LYPD3: variants seen among roughly 807,000 people sequenced by gnomAD.
LYPD3 encodes ly6/PLAUR domain-containing protein 3.
A neutral mutation model predicts 21.7 loss-of-function variants in LYPD3; 22 were observed. The ratio of observed to expected loss-of-function variants is 1.01; its 90% CI spans 0.72 to 1.45. The LOEUF is 1.45. Among genes scored for constraint, LYPD3 ranks in the 40% most tolerant of loss-of-function variants. The probability of loss-of-function intolerance (pLI) is 0.00; values close to 1 mark genes in which losing one functional copy is unlikely to be tolerated. For synonymous variants in LYPD3, 179 were observed against 203.0 expected (o/e 0.88, Z 1.00); for missense variants, 471 against 466.9 (o/e 1.01, Z -0.08).
chr19:43,461,534 G>T lies in LYPD3; in HGVS notation c.858C>A (p.His286Gln), dbSNP rs34879346. The T allele has an allele frequency of 6.2e-7, 1 of 1,614,036 alleles. No individual in the cohort carries two copies. Among genetic ancestry groups the T allele is most frequent in the Non-Finnish European group, 8.5e-7 (1 of 1,180,042 alleles). ...TSQTPRQGVE[H>Q]EASRDEEPRL... Reference sequence around the variant, plus strand: ...TGGGCTCCTCATCCCGGGAGGCCTCGTGTTCTACTCCCTGTCTCGGAGTCT... The same window carrying T: ...TGGGCTCCTCATCCCGGGAGGCCTCTTGTTCTACTCCCTGTCTCGGAGTCT... The change falls in exon 5 of 5, where the codon CAC (histidine) becomes CAA (glutamine). Residue 286 changes from histidine to glutamine, a missense_variant. Coordinates refer to ENST00000244333, the MANE Select transcript of LYPD3 (RefSeq NM_014400.3).
intron 2 of LYPD3, chr19:43,463,993 G>C (rs1970799702): frequency 1.6e-6 from 1 of 624,318 alleles, no homozygotes. Context: ...GAACCTCAAA[G>C]AGCTGAGTCG....
rs754129433 is a variant in LYPD3 at position 43,464,343 on chromosome 19, C to T, written c.193G>A (p.Val65Met). ...APGVDVCTEA[V>M]GAVETIHGQF... ...CACTCACTGGTCTCCACCGCCCCCACGGCCTCGGTGCAGACGTCCACGCCC... is the reference window on the plus strand; with the variant it reads ...CACTCACTGGTCTCCACCGCCCCCATGGCCTCGGTGCAGACGTCCACGCCC... The change falls in exon 2 of 5, where the codon GTG (valine) becomes ATG (methionine). Residue 65 changes from valine (V) to methionine (M), a missense_variant. By Grantham distance (21) the Val-to-Met change is conservative (BLOSUM62 1). Transcript: ENST00000244333. 1.2e-6 allele frequency: 2 copies of T among 1,611,268 alleles called. No homozygotes were observed. Among genetic ancestry groups the T allele is most frequent in the Non-Finnish European group, 1.7e-6 (2 of 1,179,004 alleles).
chr19:43,461,900 T>C (rs750701137), intron 4 of LYPD3, 53 bp from the exon 5 acceptor site: 2 of 1,563,322 alleles, frequency 1.3e-6, no homozygotes, highest in South Asian at 1.2e-5. Context: ...GAGGTTGACA[T>C]GGCCAGAACA....
Position 43,463,664 on chromosome 19 carries a change from T to C in LYPD3, c.317A>G (p.Gln106Arg), listed in dbSNP as rs146787455. 17 of 1,609,698 alleles carry C rather than the reference T, an allele frequency of 1.1e-5. No homozygotes were observed. The highest frequency in any genetic ancestry group is 1.4e-5 in the Non-Finnish European group (17 of 1,180,010). Residue 106 changes from glutamine to arginine, a missense_variant, in exon 3 of 5, where the codon CAG becomes CGG. Physicochemically the swap from Gln to Arg is conservative, Grantham distance 43. Coordinates refer to ENST00000244333, the MANE Select transcript of LYPD3 (RefSeq NM_014400.3). ...LHGLLAFIQL[Q>R]QCAQDRCNAK... is the part of the protein sequence containing the mutation. ...GTTGCAGCGATCCTGAGCGCATTGC[T>C]GCAGCTGGATGAACGCCAGAAGCCC...
rs1468151781 is a variant in LYPD3 at position 43,461,570 on chromosome 19, C to T, written c.822G>A (p.Ala274=). The part of the protein sequence containing the change: ...RPTSTTKPMP[A]PTSQTPRQGV... ...CCTGTCTCGGAGTCTGACTGGTTGGCGCTGGCATGGGTTTGGTGGTGGATG... is the reference window on the plus strand; with the variant it reads ...CCTGTCTCGGAGTCTGACTGGTTGGTGCTGGCATGGGTTTGGTGGTGGATG... Residue 274 remains alanine (A), a synonymous_variant, in exon 5 of 5, where the codon GCG becomes GCA. Coordinates refer to ENST00000244333, the MANE Select transcript of LYPD3 (RefSeq NM_014400.3). 5.0e-6 allele frequency: 8 copies of T among 1,613,940 alleles called. No individual in the cohort carries two copies. The highest frequency in any genetic ancestry group is 1.7e-5 in the Admixed American group (1 of 59,974).
Position 43,461,178 on chromosome 19 carries a change from T to G in LYPD3, c.*173A>C. ...ACCCCTGGCAGAATATATACAACGG[T>G]ATTTTATTTCCCAAAGCCGCAAACC... On this transcript the variant is annotated 3_prime_UTR_variant, in exon 5 of 5. Transcript: ENST00000244333. 2.8e-6 allele frequency: 2 copies of G among 723,974 alleles called. No homozygotes were observed. Among genetic ancestry groups the G allele is most frequent in the Non-Finnish European group, 4.5e-6 (2 of 448,128 alleles). The allele number at this position is 723,974 out of a possible 1,614,324, so 44.8% of individuals were successfully genotyped here. A position where few individuals can be genotyped will look rare whatever the true frequency, so the allele number is the denominator to read the frequency against.
In LYPD3 at chr19:43,464,224, G is replaced by C. The variant is rs965064373; in HGVS notation, c.211+101C>G. ...CAGGCTGAAAGGGAGGGGTGGGGCC[G>C]CGTTAAAGGGGCGTGGCCAGATCCA... On this transcript the variant is annotated intron_variant, in intron 2 of 4. Transcript: ENST00000244333. 9 of 1,438,684 alleles carry C rather than the reference G, an allele frequency of 6.3e-6. No homozygotes were observed. The African/African-American group carries it at 1.1e-4, about 18-fold the overall frequency. The allele number at this position is 1,438,684 out of a possible 1,614,324, so 89.1% of individuals were successfully genotyped here. A position where few individuals can be genotyped will look rare whatever the true frequency, so the allele number is the denominator to read the frequency against.
intron 3 of LYPD3, 44 bp downstream of exon 3, chr19:43,463,555 G>A: frequency 3.1e-6 from 5 of 1,589,480 alleles, no homozygotes; most frequent in Non-Finnish European, 4.3e-6. Context: ...TGGCAGGCCC[G>A]AATGTGGCTC....
intron 1 of LYPD3, 83 bp downstream of exon 1, chr19:43,465,410 G>T: frequency 1.3e-6 from 2 of 1,482,368 alleles, no homozygotes; most frequent in Non-Finnish European, 1.8e-6. Context: ...CCTTCCCACA[G>T]CCTTCTCTGT....
Position 43,461,491 on chromosome 19 carries a change from C to T in LYPD3, c.901G>A (p.Ala301Thr), listed in dbSNP as rs143183313. Residue 301 changes from alanine to threonine, a missense_variant, in exon 5 of 5, where the codon GCT (alanine) becomes ACT (threonine). Transcript: ENST00000244333. ...DEEPRLTGGA[A>T]GHQDRSNSGQ... ...GAATTGCTGCGGTCCTGGTGGCCAG[C>T]GGCGCCTCCAGTCAACCTGGGCTCC... The T allele has an allele frequency of 1.7e-5, 27 of 1,614,158 alleles. No individual in the cohort carries two copies. The highest frequency in any genetic ancestry group is 7.7e-5 in the South Asian group (7 of 91,074).
chr19:43,462,309 T>TC (rs1970782582), intron 4 of LYPD3, among the ~76,000 whole-genome samples: 2 of 152,260 alleles, frequency 1.3e-5, no homozygotes, highest in South Asian at 4.1e-4. Context: ...CTCACCATTA[T>TC]CCCCTTAGCC....
Position 43,463,627 on chromosome 19 carries a change from G to A in LYPD3, c.354C>T (p.Asn118=). ...CAQDRCNAKL[N]LTSRALDPAG... ...CCGGGTCGAGCGCCCGCGAGGTGAG[G>A]TTGAGCTTGGCGTTGCAGCGATCCT... is the stretch of plus-strand genomic sequence containing the variant. The change falls in exon 3 of 5, where the codon AAC becomes AAT. Residue 118 remains asparagine, a synonymous_variant. Transcript: ENST00000244333. 1 of 1,604,186 alleles carries A rather than the reference G, an allele frequency of 6.2e-7. No individual in the cohort carries two copies. Among genetic ancestry groups the A allele is most frequent in the Non-Finnish European group, 8.5e-7 (1 of 1,179,892 alleles).
chr19:43,464,247 C>A, intron 2 of LYPD3, 78 bp downstream of exon 2: 1 of 1,523,720 alleles, frequency 6.6e-7, no homozygotes, highest in Non-Finnish European at 8.8e-7. Context: ...GTGGCCAGAT[C>A]CAGAAAGGAC....
intron 4 of LYPD3, 105 bp from the exon 5 acceptor site, chr19:43,461,952 C>T (rs555975872): frequency 1.1e-5 from 14 of 1,274,884 alleles, no homozygotes; most frequent in Admixed American, 9.4e-5. Context: ...CCTGACCGGG[C>T]GTGGTGGCTC....
At chr19:43,464,255 G>T (rs2122417860) in intron 2 of LYPD3, 70 bp downstream of exon 2, 3 of 1,535,654 alleles carry the variant, frequency 2.0e-6, no homozygotes, top group Non-Finnish European at 2.6e-6. Context: ...ATCCAGAAAG[G>T]ACTATAAGGA....
intron 3 of LYPD3, 53 bp downstream of exon 3, chr19:43,463,546 G>C: frequency 6.3e-7 from 1 of 1,575,788 alleles, no homozygotes; most frequent in South Asian, 1.1e-5. Context: ...CCTCTATCTT[G>C]GCAGGCCCGA....
chr19:43,463,144 T>C lies in LYPD3; in HGVS notation c.526A>G (p.Asn176Asp). 1 of 1,612,230 alleles carries C rather than the reference T, an allele frequency of 6.2e-7. No homozygotes were observed. Among genetic ancestry groups the C allele is most frequent in the Non-Finnish European group, 8.5e-7 (1 of 1,179,996 alleles). The change falls in exon 4 of 5, where the codon AAC becomes GAC. Residue 176 changes from asparagine (N) to aspartate (D), a missense_variant. Transcript: ENST00000244333. ...DHVYKGCFDGNVTLTAANVTV... is the reference protein window; with the variant it reads ...DHVYKGCFDGDVTLTAANVTV... ...CCCTCACCTGCCGTCAAGGTGACGT[T>C]GCCGTCGAAGCAGCCCTTGTAGACA...
In LYPD3 at chr19:43,460,958, G is replaced by A. The variant is rs1003727613; in HGVS notation, c.*393C>T. On this transcript the variant is annotated 3_prime_UTR_variant, in exon 5 of 5. Coordinates refer to ENST00000244333, the MANE Select transcript of LYPD3 (RefSeq NM_014400.3). ...GAGTAGGGGAGGCAGTGCTTAGAGT[G>A]GGGAGCCATTGTCCCACCCACCCCA... 9.8e-6 allele frequency: 2 copies of A among 203,956 alleles called. No individual in the cohort carries two copies. The highest frequency in any genetic ancestry group is 4.6e-5 in the African/African-American group (2 of 43,244). The allele number at this position is 203,956 out of a possible 1,614,324, so 12.6% of individuals were successfully genotyped here.
In LYPD3 at chr19:43,464,402, G is replaced by T. The variant is rs746314355; in HGVS notation, c.134C>A (p.Ser45Tyr). The change falls in exon 2 of 5, where the codon TCC (serine) becomes TAC (tyrosine). Residue 45 changes from serine (S) to tyrosine (Y), a missense_variant. Physicochemically the swap from Ser to Tyr is moderately radical, Grantham distance 144. Coordinates refer to ENST00000244333, the MANE Select transcript of LYPD3 (RefSeq NM_014400.3). ...CTTCACTGTCTTCATCTTGTTCGGG[G>T]AGCATCCGTCATCTGCTTTCTGCAC... ...SCVQKADDGCSPNKMKTVKCA... is the reference protein window; with the variant it reads ...SCVQKADDGCYPNKMKTVKCA... The T allele has an allele frequency of 3.1e-6, 5 of 1,614,146 alleles. No homozygotes were observed. The highest frequency in any genetic ancestry group is 4.2e-6 in the Non-Finnish European group (5 of 1,180,032).
Sources: allele counts gnomAD v4.1 joint callset (sites outside exome capture counted in the v4.1 genomes callset), GRCh38; gene constraint gnomAD v4.1.1; transcripts MANE v1.5; gene names NCBI Gene and HGNC (gene_info 2026-07-23, HGNC 2026-07-21).